The following SLC4A4 variants were observed in gnomAD, a reference collection of about 807,000 sequenced individuals.
The protein encoded by SLC4A4 is electrogenic sodium bicarbonate cotransporter 1.
A neutral mutation model predicts 111.5 loss-of-function variants in SLC4A4; 27 were observed. The observed-to-expected ratio is 0.24, with a 90% CI of 0.18 to 0.33. The LOEUF (loss-of-function observed/expected upper bound fraction) is 0.33, where lower values mean the gene tolerates loss of function less well. Among genes scored for constraint, SLC4A4 ranks in the 10% least tolerant of loss-of-function variants. The pLI, the probability that SLC4A4 is intolerant of heterozygous loss-of-function variation, is 1.00. For synonymous variants in SLC4A4, 443 were observed against 463.4 expected (o/e 0.96, Z 0.57); for missense variants, 909 against 1,315.5 (o/e 0.69, Z 4.78).
intron 2 of SLC4A4, among the ~76,000 whole-genome samples, chr4:71,160,463 C>T (rs868585634): frequency 3.0e-4 from 46 of 151,948 alleles, no homozygotes; most frequent in African/African-American, 9.4e-4. Context: ...TCATGTGGAA[C>T]GCTTTCATTT....
At chr4:71,070,981 G>A (rs1267010726) in intron 1 of SLC4A4, among the ~76,000 whole-genome samples, 2 of 152,244 alleles carry the variant, frequency 1.3e-5, no homozygotes, top group Middle Eastern at 6.8e-3. Flanking sequence ...TTAAAAATAA[G>A]TTGTCTTGGC....
chr4:71,558,352 C>T (rs1034627817), intron 22 of SLC4A4, among the ~76,000 whole-genome samples: 2 of 151,840 alleles, frequency 1.3e-5, no homozygotes, highest in African/African-American at 4.8e-5. Context: ...TCATCCAGTA[C>T]ATTAGAGGAA....
chr4:71,398,093 C>T (rs1441556344), intron 7 of SLC4A4, among the ~76,000 whole-genome samples: 2 of 151,916 alleles, frequency 1.3e-5, no homozygotes, highest in Non-Finnish European at 2.9e-5. Context: ...GAAGACCAGT[C>T]TGGCCAACAT....
chr4:71,397,399 T>C (rs1476151934), intron 6 of SLC4A4, among the ~76,000 whole-genome samples, 178 bp from the exon 7 acceptor site: 1 of 152,230 alleles, frequency 6.6e-6, no homozygotes, highest in East Asian at 1.9e-4. Context: ...ATACTTTACA[T>C]TTAACTATGT....
chr4:71,179,266 C>G (rs560466494), intron 2 of SLC4A4, among the ~76,000 whole-genome samples: 1 of 152,270 alleles, frequency 6.6e-6, no homozygotes, highest in East Asian at 1.9e-4. Flanking sequence ...TGGGCAAAAA[C>G]TGGAAGCATT....
chr4:71,438,719 C>T (rs902024411), intron 7 of SLC4A4, among the ~76,000 whole-genome samples: 7 of 152,086 alleles, frequency 4.6e-5, no homozygotes, highest in African/African-American at 1.4e-4. Context: ...AATCAAATAT[C>T]TGCCTCTTTC....
At chr4:71,449,913 A>G (rs561292657) in intron 9 of SLC4A4, among the ~76,000 whole-genome samples, 1 of 152,312 alleles carries the variant, frequency 6.6e-6, no homozygotes, top group East Asian at 1.9e-4. Context: ...TCTTTTTTAA[A>G]TATCTCACAT....
intron 16 of SLC4A4, among the ~76,000 whole-genome samples, chr4:71,506,638 A>T (rs1316243262): frequency 6.6e-6 from 1 of 152,186 alleles, no homozygotes; most frequent in Non-Finnish European, 1.5e-5. Flanking sequence ...TCTGCAAACT[A>T]GGTAGTTTGA....
At chr4:71,097,729 A>G (rs987256528) in intron 2 of SLC4A4, among the ~76,000 whole-genome samples, 3 of 152,042 alleles carry the variant, frequency 2.0e-5, no homozygotes, top group African/African-American at 7.2e-5. Context: ...TGATTGGTGT[A>G]AGGTGGTATT....
intron 20 of SLC4A4, among the ~76,000 whole-genome samples, chr4:71,549,791 G>A (rs577196203): frequency 2.6e-5 from 4 of 151,804 alleles, no homozygotes; most frequent in South Asian, 2.1e-4. Flanking sequence ...TTTCAACAAC[G>A]CCTCTTCCTA....
Position 71,393,654 on chromosome 4 carries a change from G to GA in SLC4A4, c.731-3914dup, listed in dbSNP as rs201226667. On this transcript the variant is annotated intron_variant, in intron 6 of 25. Coordinates refer to ENST00000264485, the MANE Select transcript of SLC4A4 (RefSeq NM_001098484.3). ...ACCACCATAATTCTTCACTGAGTTA[G>GA]AAAAAAAAATTCCAAAATTCATATG... 7.8e-3 allele frequency among the ~76,000 whole-genome samples: 1,173 copies of GA among 150,826 alleles called. 15 individuals are homozygous for GA. The highest frequency in any genetic ancestry group is 0.025 in the African/African-American group (1,025 of 41,134).
At chr4:71,447,499 G>C (rs895242051) in intron 8 of SLC4A4, 147 bp from the exon 9 acceptor site, 4 of 687,890 alleles carry the variant, frequency 5.8e-6, no homozygotes, top group African/African-American at 1.8e-5. Flanking sequence ...AGTATATTCT[G>C]TACTACCAAT....
chr4:71,380,361 A>C (rs571467674), intron 6 of SLC4A4, among the ~76,000 whole-genome samples: 2 of 152,286 alleles, frequency 1.3e-5, no homozygotes, highest in East Asian at 3.9e-4. Context: ...GGCTCAGTGA[A>C]GTTAAGTATT....
chr4:71,381,485 CAG>C (rs1369772469), intron 6 of SLC4A4, among the ~76,000 whole-genome samples: 5 of 152,130 alleles, frequency 3.3e-5, no homozygotes, highest in African/African-American at 1.2e-4. Context: ...TCTTCAGTAA[CAG>C]TGATTATCGT....
chr4:71,314,531 T>C (rs1167382666), intron 3 of SLC4A4, among the ~76,000 whole-genome samples: 1 of 152,116 alleles, frequency 6.6e-6, no homozygotes, highest in African/African-American at 2.4e-5. Context: ...TGACCATCAG[T>C]GATTGACTGG....
chr4:71,187,586 G>A (rs1035952281), intron 1 of SLC4A4, among the ~76,000 whole-genome samples, 185 bp downstream of exon 1: 4 of 152,160 alleles, frequency 2.6e-5, no homozygotes, highest in Non-Finnish European at 5.9e-5. Flanking sequence ...GCGGTGTGTG[G>A]AGGCTGCTTC....
intron 3 of SLC4A4, among the ~76,000 whole-genome samples, chr4:71,274,985 T>C (rs1282456632): frequency 6.6e-6 from 1 of 152,190 alleles, no homozygotes. Context: ...TGTTTTTTTT[T>C]CTAAAATGTC....
Position 71,571,768 on chromosome 4 carries a change from C to T in SLC4A4, c.*4017C>T, listed in dbSNP as rs775900876. On this transcript the variant is annotated 3_prime_UTR_variant, in exon 26 of 26. Transcript: ENST00000264485. ...TACGCATTACTTTTCAGAATCAATA[C>T]GCACTTTCAGATATTCTTATTTTTA... 1.4e-4 allele frequency: 21 copies of T among 152,112 alleles called. No individual in the cohort carries two copies. Among genetic ancestry groups the T allele is most frequent in the African/African-American group, 3.4e-4 (14 of 41,356 alleles). The allele number at this position is 152,112 out of a possible 1,614,324, so 9.4% of individuals were successfully genotyped here.
At chr4:71,181,306 G>A (rs1368948542) in intron 2 of SLC4A4, among the ~76,000 whole-genome samples, 1 of 152,054 alleles carries the variant, frequency 6.6e-6, no homozygotes, top group Non-Finnish European at 1.5e-5. Flanking sequence ...CATGGCACAT[G>A]TATACAGATG....
Sources: gnomAD v4.1 joint callset for allele counts (sites outside exome capture counted in the v4.1 genomes callset) on GRCh38, gnomAD v4.1.1 for gene constraint, MANE v1.5 for transcripts, NCBI Gene and HGNC (gene_info 2026-07-23, HGNC 2026-07-21) for gene names.